Variants in KCNH1 observed in about 807,000 individuals in gnomAD.
KCNH1 encodes the protein potassium voltage-gated channel subfamily H member 1.
Under a neutral mutation model 69.2 loss-of-function variants are expected in KCNH1, and 27 were observed. The ratio of observed to expected loss-of-function variants is 0.39; its 90% CI spans 0.29 to 0.54. KCNH1 has a LOEUF of 0.54. Among genes scored for constraint, KCNH1 ranks in the 20% least tolerant of loss-of-function variants. The pLI is 0.68. For synonymous variants in KCNH1, 456 were observed against 487.7 expected (o/e 0.93, Z 0.86); for missense variants, 798 against 1,261.6 (o/e 0.63, Z 5.57).
chr1:211,070,434 C>A (rs1335709199), intron 5 of KCNH1, among the ~76,000 whole-genome samples: 26 of 141,344 alleles, frequency 1.8e-4, no homozygotes, highest in African/African-American at 6.4e-4. Flanking sequence ...AAAAAAAACA[C>A]ACACACACAC....
At chr1:210,790,937 G>T (rs572860241) in intron 9 of KCNH1, among the ~76,000 whole-genome samples, 7 of 152,100 alleles carry the variant, frequency 4.6e-5, no homozygotes, top group Admixed American at 4.6e-4. Context: ...CTGCTGCCCC[G>T]CAGGGCTCTC....
intron 3 of KCNH1, among the ~76,000 whole-genome samples, 194 bp downstream of exon 3, chr1:211,103,302 C>A (rs557842586): frequency 6.6e-6 from 1 of 152,278 alleles, no homozygotes; most frequent in Non-Finnish European, 1.5e-5. Context: ...GTGACAAGAA[C>A]CTCATCAAAT....
intron 4 of KCNH1, among the ~76,000 whole-genome samples, chr1:211,087,407 A>G (rs1690972873): frequency 6.6e-6 from 1 of 152,148 alleles, no homozygotes; most frequent in Non-Finnish European, 1.5e-5. Flanking sequence ...TCTGAGCTTT[A>G]CACTCTAATT....
intron 7 of KCNH1, among the ~76,000 whole-genome samples, chr1:210,892,524 C>G (rs1686771455): frequency 6.6e-6 from 1 of 152,122 alleles, no homozygotes; most frequent in South Asian, 2.1e-4. Flanking sequence ...CAGCATGGGT[C>G]ACACCATATT....
intron 5 of KCNH1, among the ~76,000 whole-genome samples, chr1:211,075,401 A>C (rs573174861): frequency 6.6e-6 from 1 of 152,216 alleles, no homozygotes; most frequent in Admixed American, 6.5e-5. Context: ...TCATGTTGGT[A>C]GTGTCTCCAC....
chr1:210,874,614 A>C (rs1339162509), intron 7 of KCNH1, among the ~76,000 whole-genome samples: 1 of 152,342 alleles, frequency 6.6e-6, no homozygotes, highest in Non-Finnish European at 1.5e-5. Flanking sequence ...AAAATGTAGT[A>C]GTTTTGCACA....
chr1:210,833,326 CA>C, intron 7 of KCNH1, among the ~76,000 whole-genome samples: 1 of 152,198 alleles, frequency 6.6e-6, no homozygotes, highest in East Asian at 1.9e-4. Flanking sequence ...GTACTGGTAT[CA>C]AAACAGAGAT....
intron 2 of KCNH1, among the ~76,000 whole-genome samples, chr1:211,105,965 T>G: frequency 6.6e-6 from 1 of 152,374 alleles, no homozygotes; most frequent in East Asian, 1.9e-4. Flanking sequence ...TTCAAAACAT[T>G]TGATACTTCC....
At chr1:210,877,873 T>C (rs1686411814) in intron 7 of KCNH1, among the ~76,000 whole-genome samples, 1 of 152,116 alleles carries the variant, frequency 6.6e-6, no homozygotes, top group South Asian at 2.1e-4. Flanking sequence ...AAATTAATGA[T>C]CTCTTTCCTT....
At position 210,919,719 on chromosome 1, in the gene KCNH1, G is replaced by A; in HGVS notation, c.1383C>T (p.Leu461=). The A allele has an allele frequency of 6.2e-7, 1 of 1,614,152 alleles. No homozygotes were observed. The highest frequency in any genetic ancestry group is 8.5e-7 in the Non-Finnish European group (1 of 1,179,998). ...ISSLYFTMTS[L]TSVGFGNIAP... is the part of the protein sequence containing the mutation. The stretch of plus-strand genomic sequence containing the variant: ...CGATGTTCCCAAAGCCCACACTGGT[G>A]AGGCTGGTCATTGTGAAATACAACG... The change falls in exon 7 of 11, where the codon CTC becomes CTT. Residue 461 remains leucine (L), a synonymous_variant. Transcript: ENST00000271751. This position sits in a 1 kb window ranked among gnomAD's most constrained non-coding sequence, Gnocchi z 4.2.
chr1:210,996,859 A>ACAGCCACCGCTGTTCTG (rs1215103081), intron 6 of KCNH1, among the ~76,000 whole-genome samples: 12 of 152,266 alleles, frequency 7.9e-5, no homozygotes, highest in South Asian at 6.2e-4. Context: ...CCGCTGTTCT[A>ACAGCCACCGCTGTTCTG]CAGCCACCGC....
At chr1:210,905,392 A>G (rs1687080514) in intron 7 of KCNH1, among the ~76,000 whole-genome samples, 1 of 152,166 alleles carries the variant, frequency 6.6e-6, no homozygotes, top group Non-Finnish European at 1.5e-5. Context: ...TGCTCCAAAT[A>G]TAAGATCAAG....
At chr1:210,835,239 A>C (rs1388596462) in intron 7 of KCNH1, among the ~76,000 whole-genome samples, 1 of 152,188 alleles carries the variant, frequency 6.6e-6, no homozygotes, top group Non-Finnish European at 1.5e-5. Flanking sequence ...TAAGCCTCTT[A>C]GTCATCTTGG....
Position 211,133,814 on chromosome 1 carries a change from A to G in KCNH1, c.79+53T>C, listed in dbSNP as rs2102508554. On this transcript the variant is annotated intron_variant, in intron 1 of 10. Coordinates refer to ENST00000271751, the MANE Select transcript of KCNH1 (RefSeq NM_172362.3). The surrounding 1 kb of genome is among the most constrained non-coding windows in gnomAD (Gnocchi z 5.4). ...GCTCCGAGCGGCGAGAGGTTCTGCA[A>G]TAAAGGCACGGATAAAACGCCCGGG... The G allele has an allele frequency of 6.5e-7, 1 of 1,532,466 alleles. No individual in the cohort carries two copies. The highest frequency in any genetic ancestry group is 1.4e-5 in the African/African-American group (1 of 72,614). The allele number at this position is 1,532,466 out of a possible 1,614,324, so 94.9% of individuals were successfully genotyped here.
intron 10 of KCNH1, among the ~76,000 whole-genome samples, chr1:210,741,018 T>C (rs571920594): frequency 6.6e-6 from 1 of 152,302 alleles, no homozygotes; most frequent in Admixed American, 6.5e-5. Flanking sequence ...TCCCCTCATT[T>C]AAAGAAAATT....
intron 5 of KCNH1, among the ~76,000 whole-genome samples, chr1:211,020,960 A>G (rs975729521): frequency 2.6e-5 from 4 of 152,114 alleles, no homozygotes; most frequent in Non-Finnish European, 2.9e-5. Context: ...AAAACTCAAC[A>G]AATGAGGTAT....
At chr1:210,864,906 T>C (rs1257442184) in intron 7 of KCNH1, among the ~76,000 whole-genome samples, 1 of 152,206 alleles carries the variant, frequency 6.6e-6, no homozygotes, top group African/African-American at 2.4e-5. Flanking sequence ...AACCTGAAGC[T>C]GTAAGCTGGA....
chr1:210,900,706 A>G (rs1015753528), intron 7 of KCNH1, among the ~76,000 whole-genome samples: 74 of 152,306 alleles, frequency 4.9e-4, no homozygotes, highest in African/African-American at 1.7e-3. Context: ...CACACAGCCC[A>G]TCTCTTCTGC....
intron 10 of KCNH1, among the ~76,000 whole-genome samples, chr1:210,754,744 G>A: frequency 6.6e-6 from 1 of 152,000 alleles, no homozygotes; most frequent in African/African-American, 2.4e-5. Flanking sequence ...ATGGCCTGCA[G>A]AACCATGAGC....
Sources: allele counts gnomAD v4.1 joint callset (sites outside exome capture counted in the v4.1 genomes callset), GRCh38; gene constraint gnomAD v4.1.1; non-coding constraint Gnocchi (gnomAD v3.1); transcripts MANE v1.5; gene names NCBI Gene and HGNC (gene_info 2026-07-23, HGNC 2026-07-21).